Variants in FOXJ3 observed in about 807,000 individuals in gnomAD.
FOXJ3 encodes the protein forkhead box protein J3.
A neutral mutation model predicts 76.1 loss-of-function variants in FOXJ3; 22 were observed. That is an observed-to-expected ratio of 0.29 (90% confidence interval 0.21 to 0.41). The LOEUF (loss-of-function observed/expected upper bound fraction) is 0.41, where lower values mean the gene tolerates loss of function less well. FOXJ3 is among the 10% of genes least tolerant of loss of function. FOXJ3 has a pLI of 1.00. For synonymous variants in FOXJ3, 269 were observed against 261.2 expected, an observed-to-expected ratio of 1.03 and a Z score of -0.29; for missense variants, 613 against 762.1, an observed-to-expected ratio of 0.80 and a Z score of 2.30.
intron 2 of FOXJ3, 44 bp from the exon 3 acceptor site, chr1:42,278,716 C>T (rs760347109): frequency 8.1e-6 from 11 of 1,358,606 alleles, no homozygotes; most frequent in African/African-American, 2.9e-5. Context: ...GGAAAGAACC[C>T]CTGCTTCTCA....
rs115526864 is a variant in FOXJ3, at chr1:42,196,227, C to T, written c.760-1163G>A. Among the ~76,000 whole-genome samples the T allele has an allele frequency of 4.7e-3, 723 of 152,274 alleles. 2 individuals carry two copies. Among genetic ancestry groups the T allele is most frequent in the African/African-American group, 0.016 (669 of 41,552 alleles). On this transcript the variant is annotated intron_variant, in intron 7 of 12. Coordinates refer to ENST00000361346, the MANE Select transcript of FOXJ3 (RefSeq NM_014947.5). ...TCACGTGGGATGTAGGGAGCTGACA[C>T]CATGCTAACCTGGTTTATACTGTCT...
intron 3 of FOXJ3, among the ~76,000 whole-genome samples, chr1:42,278,107 A>G (rs1367797196): frequency 2.0e-5 from 3 of 152,112 alleles, no homozygotes; most frequent in Non-Finnish European, 4.4e-5. Context: ...AGTGAACGCT[A>G]CATTATCCCC....
intron 11 of FOXJ3, among the ~76,000 whole-genome samples, chr1:42,183,349 AGG>A (rs1646368627): frequency 1.6e-3 from 1 of 640 alleles, no homozygotes; most frequent in Non-Finnish European, 2.5e-3. Flanking sequence ...AGGGGAGGGG[AGG>A]GGAGGGGAGG....
At chr1:42,248,457 C>T (rs576396293) in intron 4 of FOXJ3, among the ~76,000 whole-genome samples, 1 of 151,496 alleles carries the variant, frequency 6.6e-6, no homozygotes, top group South Asian at 2.1e-4. Flanking sequence ...TGGCGTGAAC[C>T]CGGGAGGCGG....
At chr1:42,251,827 T>G (rs113497114) in intron 4 of FOXJ3, among the ~76,000 whole-genome samples, 1 of 149,310 alleles carries the variant, frequency 6.7e-6, no homozygotes, top group Admixed American at 6.7e-5. Flanking sequence ...CATGCCATTC[T>G]CCTGCCTCAG....
At chr1:42,252,930 C>T (rs1352702010) in intron 4 of FOXJ3, among the ~76,000 whole-genome samples, 1 of 150,124 alleles carries the variant, frequency 6.7e-6, no homozygotes, top group Non-Finnish European at 1.5e-5. Context: ...TCTCACCACT[C>T]CTATTCAACA....
Position 42,288,481 on chromosome 1 carries a change from A to T in FOXJ3, c.45-9809T>A, listed in dbSNP as rs115623881. On this transcript the variant is annotated intron_variant, in intron 2 of 12. Coordinates refer to ENST00000361346, the MANE Select transcript of FOXJ3 (RefSeq NM_014947.5). ...ACTTCTGCTTCCATGGCATTATACA[A>T]GTAAGTATGGCATCAATGCTGGCAG... Among the ~76,000 whole-genome samples the T allele has an allele frequency of 7.4e-3, 1,127 of 152,270 alleles. 15 individuals are homozygous for T. The highest frequency in any genetic ancestry group is 0.025 in the African/African-American group (1,059 of 41,538).
intron 3 of FOXJ3, among the ~76,000 whole-genome samples, chr1:42,276,760 C>G (rs1321175387): frequency 6.6e-6 from 1 of 152,188 alleles, no homozygotes; most frequent in African/African-American, 2.4e-5. Flanking sequence ...ATCCCCTTAA[C>G]CGAAGAATCA....
intron 1 of FOXJ3, among the ~76,000 whole-genome samples, chr1:42,324,592 C>T (rs1655718744): frequency 6.6e-6 from 1 of 151,994 alleles, no homozygotes; most frequent in Admixed American, 6.6e-5. Context: ...TGTACTTCCA[C>T]AAACCTAGAT....
chr1:42,293,193 T>C (rs146893220), intron 2 of FOXJ3, among the ~76,000 whole-genome samples: 3 of 152,226 alleles, frequency 2.0e-5, no homozygotes, highest in African/African-American at 7.2e-5. Flanking sequence ...TATTTGTGAT[T>C]AGGAATAAGT....
At chr1:42,268,939 T>C (rs1651672077) in intron 3 of FOXJ3, among the ~76,000 whole-genome samples, 1 of 152,098 alleles carries the variant, frequency 6.6e-6, no homozygotes, top group Non-Finnish European at 1.5e-5. Context: ...CCATGTAAGG[T>C]TATAATGAGA....
chr1:42,231,029 T>C (rs748992813), intron 4 of FOXJ3, among the ~76,000 whole-genome samples: 1 of 151,956 alleles, frequency 6.6e-6, no homozygotes, highest in African/African-American at 2.4e-5. Context: ...AGGAGGGATA[T>C]TCTGGCCAGG....
At chr1:42,294,359 T>C (rs1653637468) in intron 2 of FOXJ3, among the ~76,000 whole-genome samples, 1 of 152,196 alleles carries the variant, frequency 6.6e-6, no homozygotes, top group African/African-American at 2.4e-5. Flanking sequence ...AATTAAAGGA[T>C]CTGAACCAAG....
chr1:42,283,575 G>A (rs375009967), intron 2 of FOXJ3, among the ~76,000 whole-genome samples: 2 of 152,148 alleles, frequency 1.3e-5, no homozygotes, highest in East Asian at 1.9e-4. Context: ...AATAATGAGG[G>A]TAACAATGTT....
At chr1:42,186,829 C>T (rs536976640) in intron 11 of FOXJ3, among the ~76,000 whole-genome samples, 20 of 152,294 alleles carry the variant, frequency 1.3e-4, no homozygotes, top group African/African-American at 3.6e-4. Context: ...AACATGTACA[C>T]TGGCTTTTGA....
chr1:42,268,206 G>A (rs572359087), intron 3 of FOXJ3, among the ~76,000 whole-genome samples: 9 of 152,032 alleles, frequency 5.9e-5, no homozygotes, highest in African/African-American at 1.4e-4. Context: ...CATCTTGAAG[G>A]CAGCCAGAGA....
intron 2 of FOXJ3, among the ~76,000 whole-genome samples, chr1:42,295,974 G>A (rs573327401): frequency 5.3e-5 from 8 of 152,274 alleles, no homozygotes; most frequent in African/African-American, 4.8e-5. Context: ...TCAGCAGTGC[G>A]TAAGCACTGC....
At chr1:42,283,987 A>G (rs1317548192) in intron 2 of FOXJ3, among the ~76,000 whole-genome samples, 2 of 152,184 alleles carry the variant, frequency 1.3e-5, no homozygotes, top group Non-Finnish European at 2.9e-5. Context: ...GATCCTGAAC[A>G]TGGAAGCCAG....
At chr1:42,180,143 T>G (rs921333704) in intron 12 of FOXJ3, among the ~76,000 whole-genome samples, 4 of 152,298 alleles carry the variant, frequency 2.6e-5, no homozygotes, top group South Asian at 2.1e-4. Flanking sequence ...ATGTAGCCAC[T>G]GCTCTTACAG....
Sources: allele counts gnomAD v4.1 joint callset (sites outside exome capture counted in the v4.1 genomes callset), GRCh38; gene constraint gnomAD v4.1.1; transcripts MANE v1.5; gene names NCBI Gene and HGNC (gene_info 2026-07-23, HGNC 2026-07-21).